FRMPD4: variants seen among roughly 807,000 people sequenced by gnomAD.
The protein encoded by FRMPD4 is FERM and PDZ domain-containing protein 4.
In FRMPD4, 22 loss-of-function variants were observed where a neutral mutation model predicts 94.1. That is an observed-to-expected ratio of 0.23 (90% CI 0.17 to 0.33). The LOEUF is 0.33. FRMPD4 is among the 10% of genes least tolerant of loss of function. The pLI is 1.00. For synonymous variants in FRMPD4, 631 were observed against 548.6 expected (o/e 1.15, Z -2.10); for missense variants, 1,111 against 1,339.9 (o/e 0.83, Z 2.67).
intron 1 of FRMPD4, among the ~76,000 whole-genome samples, chrX:12,200,370 T>C (rs1318301508): frequency 8.9e-6 from 1 of 112,480 alleles, no homozygotes; most frequent in Non-Finnish European, 1.9e-5. Context: ...GTCTCAGTTA[T>C]AATTTTTGCA....
At chrX:12,171,331 A>G (rs1164275920) in intron 1 of FRMPD4, among the ~76,000 whole-genome samples, 3 of 111,755 alleles carry the variant, frequency 2.7e-5, no homozygotes, top group Non-Finnish European at 5.6e-5. Context: ...TGCAAGTTCT[A>G]TTTATTTTTA....
At chrX:12,208,971 A>G (rs1182100897) in intron 1 of FRMPD4, among the ~76,000 whole-genome samples, 1 of 111,533 alleles carries the variant, frequency 9.0e-6, no homozygotes, top group Non-Finnish European at 1.9e-5. Flanking sequence ...AACTGAAGTA[A>G]GCTAGCTTTC....
At chrX:12,013,583 T>G (rs2054591209) in intron 3 of FRMPD4, among the ~76,000 whole-genome samples, 1 of 113,217 alleles carries the variant, frequency 8.8e-6, no homozygotes, top group African/African-American at 3.2e-5. Flanking sequence ...AGGGCTAGGA[T>G]CAGCTTCTTT....
intron 1 of FRMPD4, among the ~76,000 whole-genome samples, chrX:12,294,347 C>G (rs757402211): frequency 1.4e-4 from 16 of 111,301 alleles, no homozygotes; most frequent in African/African-American, 4.9e-4. Flanking sequence ...TTGAGCCCAA[C>G]AAGTCTTAGA....
intron 3 of FRMPD4, among the ~76,000 whole-genome samples, chrX:11,947,947 G>T (rs771991691): frequency 9.2e-6 from 1 of 108,358 alleles, no homozygotes; most frequent in Admixed American, 9.9e-5. Flanking sequence ...AAAATTAGCC[G>T]GGCATGGTGG....
intron 3 of FRMPD4, among the ~76,000 whole-genome samples, chrX:12,063,740 A>G (rs2054900837): frequency 8.9e-6 from 1 of 112,467 alleles, no homozygotes; most frequent in African/African-American, 3.2e-5. Context: ...GTGACAGAGC[A>G]AGACCCTAAC....
chrX:11,880,781 T>C (rs889899137), intron 3 of FRMPD4, among the ~76,000 whole-genome samples: 9 of 111,533 alleles, frequency 8.1e-5, no homozygotes, highest in Non-Finnish European at 1.7e-4. Flanking sequence ...TAGCTGGAAT[T>C]ACAGGCACGC....
intron 1 of FRMPD4, among the ~76,000 whole-genome samples, chrX:12,245,621 T>TGTGATGG: frequency 9.2e-6 from 1 of 109,080 alleles, no homozygotes; most frequent in African/African-American, 3.3e-5. Flanking sequence ...CAATTGCTAT[T>TGTGATGG]GTGATGGTAT....
At chrX:12,231,779 A>G (rs749180702) in intron 1 of FRMPD4, among the ~76,000 whole-genome samples, 14 of 111,667 alleles carry the variant, frequency 1.3e-4, no homozygotes, top group East Asian at 2.8e-4. Flanking sequence ...CCAATAGATG[A>G]GATTTAAAAA....
rs1215999784 is a variant in FRMPD4 at position 12,020,444 on chromosome X, CTG to C, written c.95+142428_95+142429del. ...CCTGGTTTTCTTTCACCTCATGACT[CTG>C]TTGTTTTCATCACCTGGCTTCCAGG... On this transcript the variant is annotated intron_variant, in intron 3 of 18. Transcript: ENST00000640291. 6.3e-5 allele frequency among the ~76,000 whole-genome samples: 7 copies of C among 111,837 alleles called. No individual in the cohort carries two copies. In the Admixed American group the frequency reaches 6.7e-4, roughly 11 times the overall value.
At chrX:12,597,882 G>C (rs957985807) in intron 2 of FRMPD4, among the ~76,000 whole-genome samples, 3 of 112,206 alleles carry the variant, frequency 2.7e-5, no homozygotes, top group Admixed American at 1.9e-4. Flanking sequence ...GACAAACAAA[G>C]AGAATGTCTC....
chrX:11,994,078 C>T (rs897708216), intron 3 of FRMPD4, among the ~76,000 whole-genome samples: 5 of 110,919 alleles, frequency 4.5e-5, no homozygotes, highest in Admixed American at 1.9e-4. Context: ...TTTTGCCCCC[C>T]CAGAAGACAT....
chrX:12,454,135 A>AGTT (rs1267801572), intron 1 of FRMPD4, among the ~76,000 whole-genome samples: 2 of 112,207 alleles, frequency 1.8e-5, no homozygotes, highest in Admixed American at 9.5e-5. Context: ...CTTAGCTAAA[A>AGTT]GTTGGTCTTC....
chrX:12,401,509 C>G (rs1031233023), intron 1 of FRMPD4, among the ~76,000 whole-genome samples: 5 of 111,616 alleles, frequency 4.5e-5, no homozygotes, highest in African/African-American at 1.6e-4. Context: ...TCGTCATGTT[C>G]CAGATTTTCC....
chrX:12,641,318 T>C, intron 4 of FRMPD4, among the ~76,000 whole-genome samples: 1 of 111,120 alleles, frequency 9.0e-6, no homozygotes, highest in Non-Finnish European at 1.9e-5. Flanking sequence ...ACACCTTAAG[T>C]TGTCCTATCA....
intron 2 of FRMPD4, among the ~76,000 whole-genome samples, chrX:12,538,329 G>A (rs763892161): frequency 3.8e-4 from 42 of 111,288 alleles, no homozygotes; most frequent in African/African-American, 1.3e-3. Context: ...AAGCGGCCAG[G>A]AAGCTCGAAA....
chrX:12,350,121 T>C (rs2055778618), intron 1 of FRMPD4, among the ~76,000 whole-genome samples: 1 of 111,163 alleles, frequency 9.0e-6, no homozygotes, highest in Non-Finnish European at 1.9e-5. Flanking sequence ...AGGTAACTAC[T>C]AGAAGACCAA....
At chrX:12,391,446 G>A (rs888867747) in intron 1 of FRMPD4, among the ~76,000 whole-genome samples, 4 of 112,013 alleles carry the variant, frequency 3.6e-5, no homozygotes, top group Non-Finnish European at 7.5e-5. Flanking sequence ...AGGCTTTCTG[G>A]TGATTATCTA....
intron 6 of FRMPD4, among the ~76,000 whole-genome samples, chrX:12,683,987 GA>G (rs1349390425): frequency 8.9e-6 from 1 of 111,818 alleles, no homozygotes; most frequent in Non-Finnish European, 1.9e-5. Context: ...ATGTATTTTT[GA>G]GAAAGGTATT....
Sources: allele counts gnomAD v4.1 joint callset (sites outside exome capture counted in the v4.1 genomes callset), GRCh38; gene constraint gnomAD v4.1.1; transcripts MANE v1.5; gene names NCBI Gene and HGNC (gene_info 2026-07-23, HGNC 2026-07-21).